The following ESR1 variants were observed in gnomAD, a reference collection of about 807,000 sequenced individuals.
ESR1 encodes the protein estrogen receptor 1.
ESR1 carries 12 observed loss-of-function variants against 52.7 expected under a neutral mutation model. The ratio of observed to expected loss-of-function variants is 0.23; its 90% CI spans 0.15 to 0.37. The LOEUF (loss-of-function observed/expected upper bound fraction) is 0.37, where lower values mean the gene tolerates loss of function less well. ESR1 is among the 10% of genes least tolerant of loss of function. The pLI is 1.00. For missense variants in ESR1, 584 were observed against 779.7 expected (o/e 0.75, Z 2.99); for synonymous variants, 305 against 316.8 (o/e 0.96, Z 0.39).
At chr6:151,894,307 T>C (rs1562520978) in intron 3 of ESR1, among the ~76,000 whole-genome samples, 2 of 152,166 alleles carry the variant, frequency 1.3e-5, no homozygotes, top group African/African-American at 2.4e-5. Flanking sequence ...AATCCTTTGT[T>C]AGATGTATAG....
At chr6:151,883,488 T>C (rs1793312167) in intron 3 of ESR1, among the ~76,000 whole-genome samples, 1 of 151,992 alleles carries the variant, frequency 6.6e-6, no homozygotes, top group African/African-American at 2.4e-5. Context: ...TCACATGGCC[T>C]TTCCTCTGCG....
intron 2 of ESR1, among the ~76,000 whole-genome samples, chr6:151,789,619 A>T (rs1330710726): frequency 6.6e-6 from 1 of 152,186 alleles, no homozygotes; most frequent in African/African-American, 2.4e-5. Flanking sequence ...GTGCTTTTAC[A>T]TTTGTTTCCC....
chr6:151,948,470 A>G (rs368567103), intron 4 of ESR1, among the ~76,000 whole-genome samples: 27 of 152,248 alleles, frequency 1.8e-4, no homozygotes, highest in African/African-American at 6.5e-4. Flanking sequence ...GGGAGAGTGC[A>G]CTCAGAGTGT....
At chr6:152,035,497 A>G (rs1477251992) in intron 5 of ESR1, among the ~76,000 whole-genome samples, 1 of 152,110 alleles carries the variant, frequency 6.6e-6, no homozygotes, top group Non-Finnish European at 1.5e-5. Context: ...TTGAAAATAC[A>G]TCAATTCTTG....
chr6:151,865,910 C>T (rs569326671), intron 2 of ESR1, among the ~76,000 whole-genome samples: 3 of 152,310 alleles, frequency 2.0e-5, no homozygotes, highest in Admixed American at 6.5e-5. Context: ...GCCAAACACC[C>T]TTGAGAAATG....
At chr6:151,722,444 A>G (rs1244205124) in intron 2 of ESR1, among the ~76,000 whole-genome samples, 2 of 152,206 alleles carry the variant, frequency 1.3e-5, no homozygotes, top group Admixed American at 1.3e-4. Context: ...AAAGGCAGAT[A>G]GGGGCAAAGA....
chr6:151,868,494 A>G (rs2128304341), intron 2 of ESR1, among the ~76,000 whole-genome samples: 1 of 152,034 alleles, frequency 6.6e-6, no homozygotes, highest in Middle Eastern at 3.4e-3. Flanking sequence ...ACCAGTGTCT[A>G]TTGTTTCTGT....
intron 3 of ESR1, among the ~76,000 whole-genome samples, chr6:151,894,622 A>G (rs1305703794): frequency 6.6e-6 from 1 of 152,154 alleles, no homozygotes; most frequent in Admixed American, 6.5e-5. Flanking sequence ...CAATTATCCC[A>G]GTACCATTTG....
At chr6:151,824,135 T>C (rs963187258) in intron 1 of ESR1, among the ~76,000 whole-genome samples, 1 of 152,114 alleles carries the variant, frequency 6.6e-6, no homozygotes, top group Non-Finnish European at 1.5e-5. Context: ...CAGCACCTGT[T>C]GTTTCCTGAC....
chr6:151,743,609 T>C (rs916062787), intron 2 of ESR1, among the ~76,000 whole-genome samples: 3 of 152,188 alleles, frequency 2.0e-5, no homozygotes, highest in Admixed American at 6.5e-5. Context: ...GAACTTGGTC[T>C]CTGATGTTAC....
chr6:152,020,519 C>A (rs142520321), intron 5 of ESR1, among the ~76,000 whole-genome samples: 1 of 151,544 alleles, frequency 6.6e-6, no homozygotes, highest in Non-Finnish European at 1.5e-5. Context: ...GGTGTGATCT[C>A]GGCTCACTTC....
intron 4 of ESR1, among the ~76,000 whole-genome samples, chr6:151,995,405 G>C (rs1220565556): frequency 6.6e-6 from 1 of 151,856 alleles, no homozygotes; most frequent in Non-Finnish European, 1.5e-5. Flanking sequence ...AAGATTTATT[G>C]AGCACTTACA....
intron 4 of ESR1, among the ~76,000 whole-genome samples, chr6:151,947,548 C>G (rs1259230991): frequency 6.6e-6 from 1 of 152,144 alleles, no homozygotes; most frequent in Non-Finnish European, 1.5e-5. Context: ...TCTAGAAGTG[C>G]TTCTTTCTTC....
chr6:151,677,189 T>C (rs1003718277), intron 1 of ESR1, among the ~76,000 whole-genome samples: 5 of 152,194 alleles, frequency 3.3e-5, no homozygotes, highest in African/African-American at 9.6e-5. Context: ...ACTAAGACTC[T>C]GATTTTCTTG....
chr6:151,672,167 T>C (rs143928809), intron 1 of ESR1, among the ~76,000 whole-genome samples: 2 of 151,600 alleles, frequency 1.3e-5, no homozygotes, highest in African/African-American at 2.4e-5. Flanking sequence ...AAATGATAAG[T>C]ATGTGAGGTG....
intron 1 of ESR1, among the ~76,000 whole-genome samples, chr6:151,825,497 G>A (rs941903429): frequency 7.2e-5 from 11 of 152,214 alleles, no homozygotes; most frequent in Admixed American, 2.0e-4. Context: ...AAGAATGGAA[G>A]TGAGAATTCT....
chr6:151,840,798 C>A lies in ESR1; in HGVS notation c.453-1799C>A, dbSNP rs572801066. ...ATTTTTTAAAAAATGTTCACAGGAA[C>A]CTTCACTCCATCTATACTTTCAATG... is the stretch of plus-strand genomic sequence containing the variant. On this transcript the variant is annotated intron_variant, in intron 1 of 7. Transcript: ENST00000206249. Among the ~76,000 whole-genome samples the A allele has an allele frequency of 3.3e-5, 5 of 152,316 alleles. No homozygotes were observed. In the East Asian group the frequency reaches 7.7e-4, roughly 24 times the overall value.
chr6:151,681,742 T>G (rs1339831794), intron 1 of ESR1, among the ~76,000 whole-genome samples: 1 of 151,972 alleles, frequency 6.6e-6, no homozygotes, highest in Non-Finnish European at 1.5e-5. Context: ...AGGGATCCGG[T>G]CGCTTTGTGG....
intron 5 of ESR1, among the ~76,000 whole-genome samples, chr6:152,019,051 T>C (rs139304140): frequency 1.8e-4 from 28 of 152,300 alleles, no homozygotes; most frequent in African/African-American, 6.5e-4. Context: ...CTCTTAAAAG[T>C]CTTTGGTTTA....
Sources: gnomAD v4.1 joint callset for allele counts (sites outside exome capture counted in the v4.1 genomes callset) on GRCh38, gnomAD v4.1.1 for gene constraint, MANE v1.5 for transcripts, NCBI Gene and HGNC (gene_info 2026-07-23, HGNC 2026-07-21) for gene names.